ADGRL3: variants seen among roughly 807,000 people sequenced by gnomAD.
ADGRL3 encodes adhesion G protein-coupled receptor L3.
Under a neutral mutation model 153.5 loss-of-function variants are expected in ADGRL3, and 62 were observed. The observed-to-expected ratio is 0.40, with a 90% CI of 0.33 to 0.50. ADGRL3 has a LOEUF of 0.50. Ranked by LOEUF, ADGRL3 falls within the 20% of genes least tolerant of loss-of-function variation. The probability of loss-of-function intolerance (pLI) is 0.47; values close to 1 mark genes in which losing one functional copy is unlikely to be tolerated. For synonymous variants in ADGRL3, 710 were observed against 672.5 expected (o/e 1.06, Z -0.86); for missense variants, 1,641 against 1,859.4 (o/e 0.88, Z 2.16).
chr4:61,571,149 C>T (rs1255035582), intron 4 of ADGRL3, among the ~76,000 whole-genome samples: 1 of 151,730 alleles, frequency 6.6e-6, no homozygotes, highest in Non-Finnish European at 1.5e-5. Flanking sequence ...AGACCATAAA[C>T]ACAAGATACA....
At chr4:61,427,266 C>T (rs1162534154) in intron 2 of ADGRL3, 1 of 152,642 alleles carries the variant, frequency 6.6e-6, no homozygotes, top group African/African-American at 2.4e-5. Flanking sequence ...GCCATTTACT[C>T]ACAGTTTTTG....
chr4:61,212,843 A>G (rs1009175971), intron 1 of ADGRL3, among the ~76,000 whole-genome samples: 10 of 151,496 alleles, frequency 6.6e-5, no homozygotes, highest in Middle Eastern at 3.4e-3. Flanking sequence ...TGCTGTCAAC[A>G]TTTTTTTTTA....
chr4:61,498,536 C>T (rs1200555564), intron 3 of ADGRL3, among the ~76,000 whole-genome samples: 5 of 151,550 alleles, frequency 3.3e-5, no homozygotes, highest in African/African-American at 1.2e-4. Flanking sequence ...GGTGACAGAA[C>T]GAGACTCTGT....
chr4:61,702,694 T>G (rs1286157808), intron 6 of ADGRL3, among the ~76,000 whole-genome samples: 1 of 152,152 alleles, frequency 6.6e-6, no homozygotes, highest in Admixed American at 6.6e-5. Context: ...TTATTCAAAA[T>G]TAACTTACCT....
At chr4:61,712,621 T>C (rs2096017929) in intron 6 of ADGRL3, among the ~76,000 whole-genome samples, 2 of 152,176 alleles carry the variant, frequency 1.3e-5, no homozygotes. Flanking sequence ...TTCACTTAAT[T>C]GAATGGAATT....
chr4:61,857,331 G>A (rs2098286479), intron 9 of ADGRL3, among the ~76,000 whole-genome samples: 2 of 151,982 alleles, frequency 1.3e-5, no homozygotes, highest in Admixed American at 1.3e-4. Flanking sequence ...GGTTGTAATG[G>A]GCTTTGTACA....
chr4:61,938,599 C>T (rs907259462), intron 15 of ADGRL3, among the ~76,000 whole-genome samples: 3 of 152,200 alleles, frequency 2.0e-5, no homozygotes, highest in South Asian at 4.1e-4. Flanking sequence ...TCACTGCTGC[C>T]GCAAGTGAAC....
At chr4:61,928,160 A>G (rs535474606) in intron 13 of ADGRL3, among the ~76,000 whole-genome samples, 107 of 152,154 alleles carry the variant, frequency 7.0e-4, no homozygotes, top group African/African-American at 2.2e-3. Flanking sequence ...TATAATTTAT[A>G]TTACTAGGCC....
intron 1 of ADGRL3, among the ~76,000 whole-genome samples, chr4:61,369,412 C>T (rs951473149): frequency 1.3e-5 from 2 of 152,012 alleles, no homozygotes; most frequent in Non-Finnish European, 2.9e-5. Flanking sequence ...CCATCAATAC[C>T]TAATTTATTG....
intron 2 of ADGRL3, among the ~76,000 whole-genome samples, chr4:61,425,070 T>TG (rs2097259947): frequency 1.3e-5 from 2 of 152,118 alleles, no homozygotes; most frequent in African/African-American, 4.8e-5. Context: ...AGCTTGACGT[T>TG]GATGAGGCCA....
intron 21 of ADGRL3, among the ~76,000 whole-genome samples, chr4:62,002,222 C>T (rs969676774): frequency 2.7e-5 from 4 of 148,732 alleles, no homozygotes; most frequent in African/African-American, 5.0e-5. Flanking sequence ...AACTGAAGGT[C>T]GGACTTCCTG....
At chr4:61,700,396 AG>A (rs1418264830) in intron 6 of ADGRL3, among the ~76,000 whole-genome samples, 1 of 152,204 alleles carries the variant, frequency 6.6e-6, no homozygotes, top group East Asian at 1.9e-4. Flanking sequence ...TTGATTGAAG[AG>A]TATTACTTGT....
At chr4:61,529,659 A>C (rs2098600007) in intron 4 of ADGRL3, among the ~76,000 whole-genome samples, 1 of 152,238 alleles carries the variant, frequency 6.6e-6, no homozygotes, top group East Asian at 1.9e-4. Flanking sequence ...GGAATGATAT[A>C]TAAAGCTTTT....
chr4:61,692,250 A>G (rs534965639), intron 6 of ADGRL3, among the ~76,000 whole-genome samples: 31 of 152,220 alleles, frequency 2.0e-4, no homozygotes, highest in African/African-American at 6.0e-4. Flanking sequence ...AACATAAGGA[A>G]CATAGAAAAA....
At chr4:61,368,874 T>C (rs1214791072) in intron 1 of ADGRL3, among the ~76,000 whole-genome samples, 1 of 152,226 alleles carries the variant, frequency 6.6e-6, no homozygotes, top group Non-Finnish European at 1.5e-5. Context: ...TGGAATGTTC[T>C]TCCATTTGTT....
chr4:61,997,052 T>A (rs1025003949), intron 20 of ADGRL3, among the ~76,000 whole-genome samples: 1 of 152,156 alleles, frequency 6.6e-6, no homozygotes, highest in East Asian at 1.9e-4. Flanking sequence ...CAGTTTCTTC[T>A]CTGAAATCTT....
chr4:61,372,959 G>A (rs1168861255), intron 1 of ADGRL3, among the ~76,000 whole-genome samples: 1 of 152,230 alleles, frequency 6.6e-6, no homozygotes. Flanking sequence ...CGTCGGAAAA[G>A]CGCAGTATTC....
intron 1 of ADGRL3, among the ~76,000 whole-genome samples, chr4:61,294,829 A>T (rs956367067): frequency 8.6e-5 from 13 of 151,590 alleles, no homozygotes; most frequent in African/African-American, 3.2e-4. Context: ...TTAGTATTTA[A>T]TATTGCTCTC....
At chr4:61,483,591 G>A (rs1008813131) in intron 2 of ADGRL3, among the ~76,000 whole-genome samples, 1 of 151,938 alleles carries the variant, frequency 6.6e-6, no homozygotes, top group African/African-American at 2.4e-5. Context: ...TACAAAATTA[G>A]CTGGGCATGG....
Sources: allele counts gnomAD v4.1 joint callset (sites outside exome capture counted in the v4.1 genomes callset), GRCh38; gene constraint gnomAD v4.1.1; transcripts MANE v1.5; gene names NCBI Gene and HGNC (gene_info 2026-07-23, HGNC 2026-07-21).